Variants in PAG1 observed in about 807,000 individuals in gnomAD.
The protein encoded by PAG1 is phosphoprotein associated with glycosphingolipid-enriched microdomains 1.
A neutral mutation model predicts 31.7 loss-of-function variants in PAG1; 23 were observed. The ratio of observed to expected loss-of-function variants is 0.73; its 90% CI spans 0.52 to 1.03. The LOEUF (loss-of-function observed/expected upper bound fraction) is 1.03. Among genes scored for constraint, PAG1 ranks in the 50% least tolerant of loss-of-function variants. PAG1 has a pLI of 0.00. For synonymous variants in PAG1, 214 were observed against 210.3 expected (o/e 1.02, Z -0.15); for missense variants, 473 against 540.7 (o/e 0.87, Z 1.24).
intron 1 of PAG1, among the ~76,000 whole-genome samples, chr8:81,077,666 A>G (rs956125301): frequency 6.6e-6 from 1 of 152,196 alleles, no homozygotes; most frequent in South Asian, 2.1e-4. Flanking sequence ...AATTTGTTGG[A>G]TATAAAAGAA....
intron 3 of PAG1, among the ~76,000 whole-genome samples, chr8:81,005,877 G>A (rs893138652): frequency 3.9e-5 from 6 of 152,144 alleles, no homozygotes; most frequent in East Asian, 1.9e-4. Context: ...TTTGTTAAAG[G>A]GCTGAGGCCC....
chr8:81,048,391 C>T (rs983490395), intron 2 of PAG1, among the ~76,000 whole-genome samples: 2 of 152,066 alleles, frequency 1.3e-5, no homozygotes, highest in South Asian at 2.1e-4. Context: ...GTCTAATGGG[C>T]AATTTGGGGA....
intron 1 of PAG1, among the ~76,000 whole-genome samples, chr8:81,106,127 C>G (rs554114883): frequency 2.6e-5 from 4 of 152,236 alleles, no homozygotes; most frequent in Admixed American, 6.5e-5. Flanking sequence ...CTCACTTCAA[C>G]CTTTGCCTCC....
intron 5 of PAG1, among the ~76,000 whole-genome samples, chr8:80,988,614 C>T (rs1807474592): frequency 6.6e-6 from 1 of 152,078 alleles, no homozygotes; most frequent in Non-Finnish European, 1.5e-5. Context: ...GTATGCACCA[C>T]TATGTCTGGC....
intron 5 of PAG1, among the ~76,000 whole-genome samples, chr8:80,988,052 T>C (rs1807462862): frequency 6.6e-6 from 1 of 152,218 alleles, no homozygotes; most frequent in African/African-American, 2.4e-5. Context: ...CTTCCAGCAC[T>C]GCAGAAAGTT....
At chr8:81,048,955 A>C (rs1396753124) in intron 2 of PAG1, among the ~76,000 whole-genome samples, 1 of 152,212 alleles carries the variant, frequency 6.6e-6, no homozygotes, top group Non-Finnish European at 1.5e-5. Flanking sequence ...AAATAAAGCA[A>C]AATTTAGGAC....
In PAG1 at chr8:80,975,532, C is replaced by T. The variant is rs1807160983; in HGVS notation, c.*1012G>A. 1 of 152,088 alleles carries T rather than the reference C, an allele frequency of 6.6e-6. No individual in the cohort carries two copies. Among genetic ancestry groups the T allele is most frequent in the East Asian group, 1.9e-4 (1 of 5,194 alleles). The allele number at this position is 152,088 out of a possible 1,614,324, so 9.4% of individuals were successfully genotyped here. A position where few individuals can be genotyped will look rare whatever the true frequency, so the allele number is the denominator to read the frequency against. ...TTAATCTTAGATTACCTTAGGGTAGCAGTTAACTTATGAGATGCCACACTG... is the reference window on the plus strand; with the variant it reads ...TTAATCTTAGATTACCTTAGGGTAGTAGTTAACTTATGAGATGCCACACTG... On this transcript the variant is annotated 3_prime_UTR_variant, in exon 9 of 9. Coordinates refer to ENST00000220597, the MANE Select transcript of PAG1 (RefSeq NM_018440.4).
chr8:81,106,506 T>C (rs1388395770), intron 1 of PAG1, among the ~76,000 whole-genome samples: 2 of 152,188 alleles, frequency 1.3e-5, no homozygotes, highest in African/African-American at 2.4e-5. Flanking sequence ...TTTAGGAGAC[T>C]AAATTTTTAA....
At chr8:81,109,392 A>T (rs1307351133) in intron 1 of PAG1, among the ~76,000 whole-genome samples, 1 of 152,192 alleles carries the variant, frequency 6.6e-6, no homozygotes, top group Non-Finnish European at 1.5e-5. Flanking sequence ...GCCAGCTCCA[A>T]TTTCTACTAT....
chr8:81,105,460 T>A (rs755335299), intron 1 of PAG1, among the ~76,000 whole-genome samples: 1 of 152,176 alleles, frequency 6.6e-6, no homozygotes, highest in Non-Finnish European at 1.5e-5. Flanking sequence ...CAGCCCTCCT[T>A]AGAAGGTGCC....
chr8:80,991,548 ATGT>A lies in PAG1; in HGVS notation c.126-21_126-19del. 6.3e-7 allele frequency: 1 copy of A among 1,596,420 alleles called. No homozygotes were observed. Among genetic ancestry groups the A allele is most frequent in the Non-Finnish European group, 8.6e-7 (1 of 1,163,794 alleles). ...TCTTTTCCCTGAAATGAAAAGTGAA[ATGT>A]TGTAATGTCAAATGTGCCCCCTTAA... On this transcript the variant is annotated intron_variant, in intron 4 of 8. Transcript: ENST00000220597.
At chr8:81,042,714 C>G (rs1308266009) in intron 2 of PAG1, among the ~76,000 whole-genome samples, 1 of 151,956 alleles carries the variant, frequency 6.6e-6, no homozygotes, top group Non-Finnish European at 1.5e-5. Context: ...CAGACAGGAA[C>G]AAGTAAAGGT....
rs1807382023 is a variant in PAG1 at position 80,984,879 on chromosome 8, G to T, written c.773C>A (p.Pro258Gln). ...GTCCAGAAGCTTAACAGGGACAGGT[G>T]GTGGGGCCTCCTCTTCTGGATCACA... The part of the protein sequence containing the change: ...NSCDPEEEAP[P>Q]PVPVKLLDEN... The change falls in exon 7 of 9, where the codon CCA becomes CAA. Residue 258 changes from proline to glutamine, a missense_variant. Physicochemically the swap from Pro to Gln is moderately conservative, Grantham distance 76. Transcript: ENST00000220597. 9.9e-6 allele frequency: 16 copies of T among 1,614,116 alleles called. No individual in the cohort carries two copies. Among genetic ancestry groups the T allele is most frequent in the Non-Finnish European group, 1.4e-5 (16 of 1,180,012 alleles).
intron 1 of PAG1, among the ~76,000 whole-genome samples, chr8:81,090,600 G>A (rs1195705879): frequency 1.3e-5 from 2 of 152,198 alleles, no homozygotes; most frequent in East Asian, 3.8e-4. Context: ...AGAGCACATG[G>A]GAATGCAAAT....
At chr8:81,059,917 C>T (rs964104349) in intron 2 of PAG1, among the ~76,000 whole-genome samples, 1 of 151,758 alleles carries the variant, frequency 6.6e-6, no homozygotes, top group African/African-American at 2.4e-5. Context: ...TTGTGGGGGG[C>T]TGAGGTAGGA....
intron 7 of PAG1, among the ~76,000 whole-genome samples, chr8:80,981,191 C>G (rs1465257839): frequency 6.6e-6 from 1 of 152,076 alleles, no homozygotes; most frequent in African/African-American, 2.4e-5. Context: ...CACAGCCTCT[C>G]CACCAGCCCA....
At chr8:81,107,946 T>C (rs1809719060) in intron 1 of PAG1, among the ~76,000 whole-genome samples, 1 of 152,242 alleles carries the variant, frequency 6.6e-6, no homozygotes, top group African/African-American at 2.4e-5. Flanking sequence ...TTCAAAACAG[T>C]ACATATGACT....
rs1304937562 is a variant in PAG1 at position 80,969,419 on chromosome 8, C to G, written c.*7125G>C. 2 of 152,082 alleles carry G rather than the reference C, an allele frequency of 1.3e-5. No homozygotes were observed. Among genetic ancestry groups the G allele is most frequent in the African/African-American group, 4.8e-5 (2 of 41,400 alleles). The allele number at this position is 152,082 out of a possible 1,614,324, so 9.4% of individuals were successfully genotyped here. On this transcript the variant is annotated 3_prime_UTR_variant, in exon 9 of 9. Coordinates refer to ENST00000220597, the MANE Select transcript of PAG1 (RefSeq NM_018440.4). Reference sequence around the variant, plus strand: ...AGGGCACTGCTGTCTTTCAGGGAAGCCTTCACTACCTAAATGAGGAGCTAA... The same window carrying G: ...AGGGCACTGCTGTCTTTCAGGGAAGGCTTCACTACCTAAATGAGGAGCTAA...
chr8:81,089,595 G>C (rs1419225758), intron 1 of PAG1, among the ~76,000 whole-genome samples: 1 of 151,334 alleles, frequency 6.6e-6, no homozygotes, highest in Admixed American at 6.6e-5. Flanking sequence ...AAAGAACCCT[G>C]AGTTTAGGGA....
Sources: allele counts gnomAD v4.1 joint callset (sites outside exome capture counted in the v4.1 genomes callset), GRCh38; gene constraint gnomAD v4.1.1; transcripts MANE v1.5; gene names NCBI Gene and HGNC (gene_info 2026-07-23, HGNC 2026-07-21).